CDC27: variants seen among roughly 807,000 people sequenced by gnomAD.
The protein encoded by CDC27 is cell division cycle 27, also known as cell division cycle protein 27 homolog.
CDC27 carries 27 observed loss-of-function variants against 109.7 expected under a neutral mutation model. That is an observed-to-expected ratio of 0.25 (90% CI 0.18 to 0.34). CDC27 has a LOEUF of 0.34. Ranked by LOEUF, CDC27 falls within the 10% of genes least tolerant of loss-of-function variation. CDC27 has a pLI of 1.00. For synonymous variants in CDC27, 266 were observed against 333.9 expected (o/e 0.80, Z 2.22); for missense variants, 579 against 960.2 (o/e 0.60, Z 5.25).
chr17:47,178,532 T>C (rs1320614643), intron 2 of CDC27, among the ~76,000 whole-genome samples: 1 of 80,692 alleles, frequency 1.2e-5, no homozygotes, highest in Non-Finnish European at 2.4e-5. Context: ...ATCTCAAAAA[T>C]AAATAAATAA....
intron 9 of CDC27, among the ~76,000 whole-genome samples, chr17:47,150,825 G>A (rs903652399): frequency 1.3e-5 from 2 of 152,162 alleles, no homozygotes; most frequent in Non-Finnish European, 2.9e-5. Flanking sequence ...CTGAGGTTGG[G>A]AGTTCGAGAC....
chr17:47,141,367 C>T (rs2062787304), intron 12 of CDC27, among the ~76,000 whole-genome samples: 1 of 152,044 alleles, frequency 6.6e-6, no homozygotes, highest in Non-Finnish European at 1.5e-5. Flanking sequence ...CTGGTATAGA[C>T]AGATAACTTA....
At position 47,169,950 on chromosome 17, in the gene CDC27, C is replaced by G; in HGVS notation, c.344G>C (p.Cys115Ser). The G allele has an allele frequency of 6.3e-7, 1 of 1,597,750 alleles. No homozygotes were observed. The highest frequency in any genetic ancestry group is 8.5e-7 in the Non-Finnish European group (1 of 1,172,928). The part of the protein sequence containing the change: ...DIVTEFGDSA[C>S]FTLSLLGHVY... ...ATGTCCCAACAATGAAAGAGTAAAG[C>G]AAGCTGAATCACCAAACTCAGTAAC... Residue 115 changes from cysteine (C) to serine (S), a missense_variant, in exon 4 of 19, where the codon TGC (cysteine) becomes TCC (serine). Transcript: ENST00000066544.
chr17:47,132,575 T>A lies in CDC27; in HGVS notation c.1914-201A>T, dbSNP rs190164295. Among the ~76,000 whole-genome samples, 204 of 150,604 alleles carry A rather than the reference T, an allele frequency of 1.4e-3. 1 individual carries two copies. The highest frequency in any genetic ancestry group is 2.6e-3 in the African/African-American group (108 of 41,214). On this transcript the variant is annotated intron_variant, in intron 14 of 18. Coordinates refer to ENST00000066544, the MANE Select transcript of CDC27 (RefSeq NM_001256.6). ...ATTTACTTATTTTTAAATAAAAAAA[T>A]TTTTTTTTGAATTAGGGTCTCACTC...
intron 16 of CDC27, among the ~76,000 whole-genome samples, chr17:47,124,209 A>ACACACACACC (rs774336770): frequency 1.3e-5 from 2 of 148,316 alleles, no homozygotes; most frequent in African/African-American, 5.0e-5. Flanking sequence ...ACACACACAC[A>ACACACACACC]CCCCTCTTCG....
intron 2 of CDC27, among the ~76,000 whole-genome samples, chr17:47,175,770 CA>C (rs2063982198): frequency 6.6e-6 from 1 of 152,150 alleles, no homozygotes; most frequent in Non-Finnish European, 1.5e-5. Context: ...AAGCTGAGAT[CA>C]CGCCACTGCA....
intron 9 of CDC27, among the ~76,000 whole-genome samples, chr17:47,145,003 T>C (rs566086913): frequency 3.9e-5 from 6 of 152,274 alleles, no homozygotes; most frequent in Admixed American, 3.3e-4. Context: ...CAACCTTTCT[T>C]GGATGATTTA....
chr17:47,175,829 TAAAAC>T (rs2063985700), intron 2 of CDC27, among the ~76,000 whole-genome samples: 1 of 151,918 alleles, frequency 6.6e-6, no homozygotes, highest in South Asian at 2.1e-4. Context: ...AGAAAAAAAA[TAAAAC>T]AAATCGATTA....
intron 14 of CDC27, among the ~76,000 whole-genome samples, chr17:47,133,132 TATATA>T (rs1279037776): frequency 6.4e-4 from 73 of 113,850 alleles, no homozygotes; most frequent in African/African-American, 2.2e-3. Context: ...TATATATATA[TATATA>T]ATATATATGT....
chr17:47,139,745 T>C (rs1015838148), intron 12 of CDC27: 8 of 152,152 alleles, frequency 5.3e-5, no homozygotes, highest in Admixed American at 6.5e-5. Context: ...ACCAATATTG[T>C]GTCTGCTAGG....
intron 10 of CDC27, among the ~76,000 whole-genome samples, chr17:47,143,239 C>T (rs1017434365): frequency 3.9e-5 from 6 of 152,178 alleles, no homozygotes; most frequent in Admixed American, 6.5e-5. Flanking sequence ...GCTAGGATTA[C>T]AGGCGTGAGC....
intron 3 of CDC27, 195 bp from the exon 4 acceptor site, chr17:47,170,237 T>TA: frequency 2.6e-6 from 1 of 388,964 alleles, no homozygotes; most frequent in Non-Finnish European, 4.6e-6. Flanking sequence ...CTTGCTTTGT[T>TA]ACCCAGGCTA....
At chr17:47,188,084 T>G (rs221598) in intron 1 of CDC27, among the ~76,000 whole-genome samples, 53,909 of 152,076 alleles carry the variant, frequency 0.35, 10,108 homozygotes, top group Admixed American at 0.43. Context: ...AGTAGTGATA[T>G]ATTAAAATAT....
chr17:47,150,247 AG>A (rs1325328788), intron 9 of CDC27, among the ~76,000 whole-genome samples: 2 of 152,224 alleles, frequency 1.3e-5, no homozygotes, highest in African/African-American at 4.8e-5. Flanking sequence ...ATTGCTAATA[AG>A]GCAATATTGA....
In CDC27 at chr17:47,138,745, C is replaced by T. The variant is rs759973282; in HGVS notation, c.1698G>A (p.Ser566=). The T allele has an allele frequency of 9.3e-6, 15 of 1,609,802 alleles. No individual in the cohort carries two copies. In the Admixed American group the frequency reaches 1.0e-4, roughly 11 times the overall value. ...SKDLTDMDKN[S]PEAWCAAGNC... ...AGTATTTTGGTTAACATACCTCTGGCGAATTTTTATCCATGTCTGTTAAGT... is the reference window on the plus strand; with the variant it reads ...AGTATTTTGGTTAACATACCTCTGGTGAATTTTTATCCATGTCTGTTAAGT... Residue 566 remains serine, a synonymous_variant, in exon 13 of 19, where the codon TCG becomes TCA. Coordinates refer to ENST00000066544, the MANE Select transcript of CDC27 (RefSeq NM_001256.6).
intron 4 of CDC27, chr17:47,161,172 T>C (rs1348186704): frequency 6.7e-6 from 1 of 149,390 alleles, no homozygotes; most frequent in East Asian, 2.0e-4. Flanking sequence ...TACAAGTGCA[T>C]GCTACCATGG....
Position 47,157,335 on chromosome 17 carries a change from G to C in CDC27, c.525C>G (p.Asn175Lys), listed in dbSNP as rs750708395. The C allele has an allele frequency of 9.9e-6, 16 of 1,612,304 alleles. No individual in the cohort carries two copies. Among genetic ancestry groups the C allele is most frequent in the East Asian group, 2.2e-5 (1 of 44,848 alleles). Reference sequence around the variant, plus strand: ...AAGAGTTGGGCAGACAGTTGCTAAAGTTCTGTAAAGATGTGAATTTAAATG... The same window carrying C: ...AAGAGTTGGGCAGACAGTTGCTAAACTTCTGTAAAGATGTGAATTTAAATG... Reference protein sequence around the residue: ...DQTFKFTSLQNFSNCLPNSCT... With the variant: ...DQTFKFTSLQKFSNCLPNSCT... Residue 175 changes from asparagine to lysine, a missense_variant, in exon 6 of 19, where the codon AAC (asparagine) becomes AAG (lysine). Asn to Lys is a moderately conservative substitution (Grantham distance 94). Coordinates refer to ENST00000066544, the MANE Select transcript of CDC27 (RefSeq NM_001256.6).
rs754105922 is a variant in CDC27 at position 47,120,708 on chromosome 17, C to G, written c.*227G>C. 2 of 425,200 alleles carry G rather than the reference C, an allele frequency of 4.7e-6. No individual in the cohort carries two copies. Among genetic ancestry groups the G allele is most frequent in the Non-Finnish European group, 8.4e-6 (2 of 237,560 alleles). 26.3% of individuals were successfully genotyped at this position (425,200 alleles called of 1,614,324 possible). Reference sequence around the variant, plus strand: ...AAAGAAAGTTCCCCACCCTACCCCCCATAAATTGTCATTCATACTGGTAAA... The same window carrying G: ...AAAGAAAGTTCCCCACCCTACCCCCGATAAATTGTCATTCATACTGGTAAA... On this transcript the variant is annotated 3_prime_UTR_variant, in exon 19 of 19. Coordinates refer to ENST00000066544, the MANE Select transcript of CDC27 (RefSeq NM_001256.6).
intron 15 of CDC27, 67 bp from the exon 16 acceptor site, chr17:47,129,588 T>C: frequency 8.6e-7 from 1 of 1,163,786 alleles, no homozygotes; most frequent in Non-Finnish European, 1.2e-6. Flanking sequence ...AGAACCAACG[T>C]GACTCAAAAC....
Sources: allele counts gnomAD v4.1 joint callset (sites outside exome capture counted in the v4.1 genomes callset), GRCh38; gene constraint gnomAD v4.1.1; transcripts MANE v1.5; gene names NCBI Gene and HGNC (gene_info 2026-07-23, HGNC 2026-07-21).